Variants in SH3BP4 observed in about 807,000 individuals in gnomAD.
SH3BP4 encodes SH3 domain binding protein 4.
Under a neutral mutation model 65.5 loss-of-function variants are expected in SH3BP4, and 33 were observed. The ratio of observed to expected loss-of-function variants is 0.50; its 90% CI spans 0.38 to 0.67. SH3BP4 has a LOEUF of 0.67. Among genes scored for constraint, SH3BP4 ranks in the 30% least tolerant of loss-of-function variants. The pLI, the probability that SH3BP4 is intolerant of heterozygous loss-of-function variation, is 0.00. For missense variants in SH3BP4, 1,134 were observed against 1,261.4 expected, an observed-to-expected ratio of 0.90 and a Z score of 1.53; for synonymous variants, 552 against 545.5, an observed-to-expected ratio of 1.01 and a Z score of -0.17.
rs966347741 is a variant in SH3BP4, at chr2:235,041,592, G to A, written c.823G>A (p.Glu275Lys). 6.2e-7 allele frequency: 1 copy of A among 1,614,030 alleles called. No homozygotes were observed. Among genetic ancestry groups the A allele is most frequent in the Non-Finnish European group, 8.5e-7 (1 of 1,180,040 alleles). ...CACCGGCTTGAAATCACCTGCCCCC[G>A]AGCAATTTCAGAGCCGGGAGGATTT... ...FFTGLKSPAP[E>K]QFQSREDFRT... Residue 275 changes from glutamate (E) to lysine (K), a missense_variant, in exon 4 of 6, where the codon GAG (glutamate) becomes AAG (lysine). Coordinates refer to ENST00000392011, the MANE Select transcript of SH3BP4 (RefSeq NM_014521.3). This position sits in a 1 kb window ranked among gnomAD's most constrained non-coding sequence, Gnocchi z 6.0.
At chr2:234,981,567 T>C (rs543900029) in intron 1 of SH3BP4, 2 of 152,312 alleles carry the variant, frequency 1.3e-5, no homozygotes, top group South Asian at 4.1e-4. Flanking sequence ...TTAGAAGGAA[T>C]GCATTCCTGG....
rs1693956023 is a variant in SH3BP4 at position 234,997,346 on chromosome 2, A to T, written c.-133+1970A>T. On this transcript the variant is annotated intron_variant, in intron 2 of 5. Coordinates refer to ENST00000392011, the MANE Select transcript of SH3BP4 (RefSeq NM_014521.3). The surrounding 1 kb of genome is among the most constrained non-coding windows in gnomAD (Gnocchi z 4.2). Reference sequence around the variant, plus strand: ...CCAGGGTTTCCATTTCCAGGCCCCGAGTTTTGTCCGTGGCAAATTTCGTGA... The same window carrying T: ...CCAGGGTTTCCATTTCCAGGCCCCGTGTTTTGTCCGTGGCAAATTTCGTGA... Among the ~76,000 whole-genome samples the T allele has an allele frequency of 6.6e-6, 1 of 151,962 alleles. No homozygotes were observed. The highest frequency in any genetic ancestry group is 2.4e-5 in the African/African-American group (1 of 41,336).
intron 4 of SH3BP4, among the ~76,000 whole-genome samples, chr2:235,048,030 T>G (rs1695927539): frequency 6.6e-6 from 1 of 152,006 alleles, no homozygotes; most frequent in Non-Finnish European, 1.5e-5. Flanking sequence ...CGGGAAAGAC[T>G]GGTGTGGTGT....
rs374863773 is a variant in SH3BP4, at chr2:234,958,846, G to A, written c.-207+6676G>A. ...AGAAATAGCACAGAGTGGAGGCCACGCAGAAGAATGTTGGTGATAAAAGAA... is the reference window on the plus strand; with the variant it reads ...AGAAATAGCACAGAGTGGAGGCCACACAGAAGAATGTTGGTGATAAAAGAA... On this transcript the variant is annotated intron_variant, in intron 1 of 5. Coordinates refer to ENST00000392011, the MANE Select transcript of SH3BP4 (RefSeq NM_014521.3). 6.6e-5 allele frequency among the ~76,000 whole-genome samples: 10 copies of A among 152,196 alleles called. 1 individual carries two copies. In the South Asian group the frequency reaches 1.9e-3, roughly 28 times the overall value.
intron 2 of SH3BP4, among the ~76,000 whole-genome samples, chr2:235,027,982 G>T (rs1460146473): frequency 6.6e-6 from 1 of 152,186 alleles, no homozygotes; most frequent in African/African-American, 2.4e-5. Flanking sequence ...AGCGGAGGGG[G>T]TGTGTGCGGC....
Position 235,052,720 on chromosome 2 carries a change from C to T in SH3BP4, c.2637C>T (p.His879=), listed in dbSNP as rs749814154. The change falls in exon 5 of 6, where the codon CAC becomes CAT. Residue 879 remains histidine (H), a synonymous_variant. Coordinates refer to ENST00000392011, the MANE Select transcript of SH3BP4 (RefSeq NM_014521.3). The surrounding 1 kb of genome is among the most constrained non-coding windows in gnomAD (Gnocchi z 5.0). ...AGATGGACGCCTACGAGTCTCCCCACCGGGACAGGAACGGGGTTGTGGACA... is the reference window on the plus strand; with the variant it reads ...AGATGGACGCCTACGAGTCTCCCCATCGGGACAGGAACGGGGTTGTGGACA... ...KQQMDAYESP[H]RDRNGVVDSE... The T allele has an allele frequency of 2.2e-5, 36 of 1,604,568 alleles. No homozygotes were observed. Among genetic ancestry groups the T allele is most frequent in the Non-Finnish European group, 2.7e-5 (32 of 1,176,270 alleles).
At chr2:234,986,929 T>C (rs1281773139) in intron 1 of SH3BP4, among the ~76,000 whole-genome samples, 3 of 151,994 alleles carry the variant, frequency 2.0e-5, no homozygotes, top group Admixed American at 6.6e-5. Context: ...TGTGCCTCCA[T>C]GCCCGGCTAA....
intron 3 of SH3BP4, among the ~76,000 whole-genome samples, chr2:235,038,398 T>G (rs1175568814): frequency 6.0e-5 from 5 of 83,044 alleles, no homozygotes; most frequent in Non-Finnish European, 9.1e-5. Context: ...TATATATATA[T>G]ATATATATAT....
At chr2:235,002,205 G>A (rs922106735) in intron 2 of SH3BP4, among the ~76,000 whole-genome samples, 4 of 152,204 alleles carry the variant, frequency 2.6e-5, no homozygotes, top group Non-Finnish European at 4.4e-5. Flanking sequence ...GCCATCGTCA[G>A]ATTTGGCGAA....
At chr2:234,999,567 G>A (rs1694034341) in intron 2 of SH3BP4, among the ~76,000 whole-genome samples, 1 of 152,154 alleles carries the variant, frequency 6.6e-6, no homozygotes, top group South Asian at 2.1e-4. Flanking sequence ...TATGCAAAGA[G>A]CTTCTGACCA....
At position 235,026,252 on chromosome 2, in the gene SH3BP4, A is replaced by AGATGTTC. The variant is rs1276244532; in HGVS notation, c.-132-8618_-132-8612dup. 6.6e-6 allele frequency among the ~76,000 whole-genome samples: 1 copy of AGATGTTC among 152,180 alleles called. No individual in the cohort carries two copies. The highest frequency in any genetic ancestry group is 1.9e-4 in the East Asian group (1 of 5,188). ...GACCTGTCGGGGGATCCCCAGCCTC[A>AGATGTTC]GATGTTCTCAGTCTGGCCAGTGAAA... On this transcript the variant is annotated intron_variant, in intron 2 of 5. Transcript: ENST00000392011. The surrounding 1 kb of genome is among the most constrained non-coding windows in gnomAD (Gnocchi z 4.6).
At chr2:234,992,524 C>T (rs898675946) in intron 1 of SH3BP4, among the ~76,000 whole-genome samples, 1 of 151,982 alleles carries the variant, frequency 6.6e-6, no homozygotes, top group African/African-American at 2.4e-5. Flanking sequence ...TGCTGTGTGG[C>T]TCTAGGTCTG....
chr2:235,024,703 A>T (rs1272361991), intron 2 of SH3BP4, among the ~76,000 whole-genome samples: 1 of 152,192 alleles, frequency 6.6e-6, no homozygotes, highest in African/African-American at 2.4e-5. Context: ...GGCACCTAAG[A>T]TGCACTTTAA....
chr2:235,010,805 CT>C (rs1694462023), intron 2 of SH3BP4, among the ~76,000 whole-genome samples: 1 of 105,726 alleles, frequency 9.5e-6, no homozygotes, highest in Non-Finnish European at 2.3e-5. Context: ...AGAAACCTTC[CT>C]CCCTCTTCTA....
chr2:235,039,720 G>A (rs1273263132), intron 3 of SH3BP4, among the ~76,000 whole-genome samples: 1 of 152,058 alleles, frequency 6.6e-6, no homozygotes, highest in Non-Finnish European at 1.5e-5. Flanking sequence ...CACTTGTTTG[G>A]CTGACTTATT....
intron 4 of SH3BP4, among the ~76,000 whole-genome samples, chr2:235,050,070 G>A (rs920886065): frequency 7.2e-5 from 11 of 152,274 alleles, no homozygotes; most frequent in East Asian, 1.9e-4. Flanking sequence ...TCTGGGGAGC[G>A]GAGGAGCTGA....
chr2:234,999,819 A>G (rs1164242997), intron 2 of SH3BP4, among the ~76,000 whole-genome samples: 1 of 152,240 alleles, frequency 6.6e-6, no homozygotes, highest in African/African-American at 2.4e-5. Flanking sequence ...GTCATCAAAA[A>G]TTAGACTTTC....
chr2:235,008,538 A>G (rs1398123776), intron 2 of SH3BP4: 1 of 152,192 alleles, frequency 6.6e-6, no homozygotes, highest in Non-Finnish European at 1.5e-5. Context: ...GTGTAGAATA[A>G]TGCTCCTTAG....
At chr2:234,959,653 C>CTT (rs148083180) in intron 1 of SH3BP4, among the ~76,000 whole-genome samples, 2 of 123,818 alleles carry the variant, frequency 1.6e-5, no homozygotes, top group South Asian at 2.5e-4. Flanking sequence ...GAGGATTTGA[C>CTT]TTTTTTTTTT....
Sources: allele counts gnomAD v4.1 joint callset (sites outside exome capture counted in the v4.1 genomes callset), GRCh38; gene constraint gnomAD v4.1.1; non-coding constraint Gnocchi (gnomAD v3.1); transcripts MANE v1.5; gene names NCBI Gene and HGNC (gene_info 2026-07-23, HGNC 2026-07-21).